CCDC191: variants seen among roughly 807,000 people sequenced by gnomAD.
CCDC191 encodes the protein coiled-coil domain-containing protein 191.
In CCDC191, 99 loss-of-function variants were observed where a neutral mutation model predicts 114.0. The observed-to-expected ratio is 0.87, with a 90% CI of 0.74 to 1.03. The LOEUF (loss-of-function observed/expected upper bound fraction) is 1.03, where lower values mean the gene tolerates loss of function less well. CCDC191 is among the 50% of genes least tolerant of loss of function. The probability of loss-of-function intolerance (pLI) is 0.00; values close to 1 mark genes in which losing one functional copy is unlikely to be tolerated. For synonymous variants in CCDC191, 351 were observed against 376.0 expected, an observed-to-expected ratio of 0.93 and a Z score of 0.77; for missense variants, 973 against 1,087.0, an observed-to-expected ratio of 0.90 and a Z score of 1.47.
chr3:114,018,881 T>C lies in CCDC191; in HGVS notation c.973-13A>G. ...ACCGTTTTTGACACTGCAGCGGAAA[T>C]ATTAGGAAAATCACCACCCATCAGC... On this transcript the variant is annotated splice_polypyrimidine_tract_variant and intron_variant, in intron 7 of 16. Coordinates refer to ENST00000295878, the MANE Select transcript of CCDC191 (RefSeq NM_020817.2). The C allele has an allele frequency of 6.2e-7, 1 of 1,612,130 alleles. No homozygotes were observed. Among genetic ancestry groups the C allele is most frequent in the Non-Finnish European group, 8.5e-7 (1 of 1,178,910 alleles).
At chr3:114,020,381 G>T (rs865853698) in intron 7 of CCDC191, among the ~76,000 whole-genome samples, 1 of 152,104 alleles carries the variant, frequency 6.6e-6, no homozygotes, top group Non-Finnish European at 1.5e-5. Context: ...TTCTTGTTTA[G>T]ACAAACTAAA....
chr3:114,048,582 C>T lies in CCDC191; in HGVS notation c.130-1850G>A, dbSNP rs567723647. On this transcript the variant is annotated intron_variant, in intron 2 of 16. Coordinates refer to ENST00000295878, the MANE Select transcript of CCDC191 (RefSeq NM_020817.2). ...TTGCTTATCCTCTGCCTGAACTGCTCTCCTACAGATACGCATAGGCATCCT... is the reference window on the plus strand; with the variant it reads ...TTGCTTATCCTCTGCCTGAACTGCTTTCCTACAGATACGCATAGGCATCCT... 2.0e-5 allele frequency among the ~76,000 whole-genome samples: 3 copies of T among 152,272 alleles called. No individual in the cohort carries two copies. The East Asian group carries it at 5.8e-4, about 29-fold the overall frequency.
At chr3:113,996,638 T>C (rs1271188370) in intron 13 of CCDC191, among the ~76,000 whole-genome samples, 2 of 151,984 alleles carry the variant, frequency 1.3e-5, no homozygotes, top group Admixed American at 6.6e-5. Flanking sequence ...CCATCAATGA[T>C]AGATTGGATA....
intron 8 of CCDC191, among the ~76,000 whole-genome samples, chr3:114,014,211 TA>T (rs1355281838): frequency 1.3e-5 from 2 of 152,170 alleles, no homozygotes; most frequent in African/African-American, 4.8e-5. Flanking sequence ...TAGGAATGAA[TA>T]AGCTCATGCA....
intron 11 of CCDC191, chr3:114,003,266 G>T: frequency 2.0e-6 from 2 of 985,422 alleles, no homozygotes; most frequent in Non-Finnish European, 2.4e-6. Flanking sequence ...GATGGGAGGA[G>T]TATCAAGTTC....
intron 7 of CCDC191, among the ~76,000 whole-genome samples, chr3:114,025,677 T>G (rs752877115): frequency 3.3e-5 from 5 of 152,170 alleles, no homozygotes; most frequent in African/African-American, 4.8e-5. Context: ...ACCTGAACAC[T>G]CATGAGTTCT....
rs564963701 is a variant in CCDC191 at position 114,011,530 on chromosome 3, T to C, written c.1164-509A>G. On this transcript the variant is annotated intron_variant, in intron 8 of 16. Coordinates refer to ENST00000295878, the MANE Select transcript of CCDC191 (RefSeq NM_020817.2). ...ATCAAAGTAACACTGAGGGTTGATCTTGTGAAAGAAGAACTGGTCAGGGAA... is the reference window on the plus strand; with the variant it reads ...ATCAAAGTAACACTGAGGGTTGATCCTGTGAAAGAAGAACTGGTCAGGGAA... Among the ~76,000 whole-genome samples the C allele has an allele frequency of 7.2e-5, 11 of 152,338 alleles. No individual in the cohort carries two copies. In the South Asian group the frequency reaches 2.3e-3, roughly 32 times the overall value.
Position 113,978,802 on chromosome 3 carries a change from C to G in CCDC191, c.2460+56G>C. 3.2e-6 allele frequency: 5 copies of G among 1,557,020 alleles called. No homozygotes were observed. In the South Asian group the frequency reaches 5.9e-5, roughly 18 times the overall value. Reference sequence around the variant, plus strand: ...GACATTCTGGATTTCATTTAGTTTTCTTAAATAGAATTGAGCAATGAGATG... The same window carrying G: ...GACATTCTGGATTTCATTTAGTTTTGTTAAATAGAATTGAGCAATGAGATG... On this transcript the variant is annotated intron_variant, in intron 15 of 16. Coordinates refer to ENST00000295878, the MANE Select transcript of CCDC191 (RefSeq NM_020817.2).
chr3:114,052,994 G>A (rs1394436076), intron 2 of CCDC191, among the ~76,000 whole-genome samples: 2 of 152,162 alleles, frequency 1.3e-5, no homozygotes, highest in Non-Finnish European at 2.9e-5. Flanking sequence ...AAATTAAATG[G>A]TACTCAGACT....
At chr3:114,047,618 C>T (rs552116053) in intron 2 of CCDC191, among the ~76,000 whole-genome samples, 1 of 152,126 alleles carries the variant, frequency 6.6e-6, no homozygotes, top group Admixed American at 6.5e-5. Context: ...GAGCTGTGTT[C>T]ATGCCACTGC....
chr3:113,997,507 A>G (rs1334275764), intron 13 of CCDC191, among the ~76,000 whole-genome samples: 3 of 152,184 alleles, frequency 2.0e-5, no homozygotes, highest in Admixed American at 6.5e-5. Context: ...GAACCCTCAG[A>G]GAAATGGCTT....
intron 9 of CCDC191, among the ~76,000 whole-genome samples, chr3:114,006,613 TATATAAATATATATATTTTATATATAA>T (rs1559903284): frequency 2.2e-5 from 2 of 91,186 alleles, no homozygotes; most frequent in Non-Finnish European, 5.1e-5. Context: ...TATATATATA[TATATAAATATATATATTTTATATATAA>T]AAAACATGAA....
chr3:114,046,035 G>C (rs1447242643), intron 3 of CCDC191, among the ~76,000 whole-genome samples: 1 of 152,158 alleles, frequency 6.6e-6, no homozygotes, highest in Non-Finnish European at 1.5e-5. Flanking sequence ...TCATCCAAAT[G>C]GAAGTTGGCT....
intron 13 of CCDC191, among the ~76,000 whole-genome samples, chr3:113,993,390 G>A (rs748219039): frequency 1.3e-5 from 2 of 152,138 alleles, no homozygotes; most frequent in Non-Finnish European, 2.9e-5. Flanking sequence ...ACTTGCAAAG[G>A]AATAGACATA....
At chr3:113,975,563 A>G (rs1284209171) in intron 16 of CCDC191, among the ~76,000 whole-genome samples, 3 of 152,234 alleles carry the variant, frequency 2.0e-5, no homozygotes, top group African/African-American at 7.2e-5. Context: ...GTAATGAGCA[A>G]GATGTGGTGC....
At chr3:114,000,955 CCTTGATCT>C (rs1317640270) in intron 13 of CCDC191, among the ~76,000 whole-genome samples, 1 of 152,068 alleles carries the variant, frequency 6.6e-6, no homozygotes, top group African/African-American at 2.4e-5. Context: ...ATGTCTGGCC[CCTTGATCT>C]CTTTTCGTCT....
At chr3:114,004,889 A>AT (rs2075922471) in intron 10 of CCDC191, 143 bp from the exon 11 acceptor site, 1 of 845,528 alleles carries the variant, frequency 1.2e-6, no homozygotes, top group Non-Finnish European at 1.7e-6. Flanking sequence ...CACTCCATAA[A>AT]TATGTGTAAT....
chr3:114,029,059 G>A (rs1312109383), intron 7 of CCDC191, among the ~76,000 whole-genome samples: 1 of 151,964 alleles, frequency 6.6e-6, no homozygotes, highest in African/African-American at 2.4e-5. Flanking sequence ...CACACTTAGT[G>A]CCTAGATCTT....
Position 113,970,630 on chromosome 3 carries a change from C to T in CCDC191, c.2607-5271G>A, listed in dbSNP as rs536111392. 1.6e-4 allele frequency among the ~76,000 whole-genome samples: 25 copies of T among 152,228 alleles called. No homozygotes were observed. In the East Asian group the frequency reaches 3.7e-3, roughly 22 times the overall value. On this transcript the variant is annotated intron_variant, in intron 16 of 16. Coordinates refer to ENST00000295878, the MANE Select transcript of CCDC191 (RefSeq NM_020817.2). The stretch of plus-strand genomic sequence containing the variant: ...ATGTGCACAACATGCAGGTTTGTTA[C>T]ATATGTATACATGTGTCATGTTGGT...
Sources: allele counts gnomAD v4.1 joint callset (sites outside exome capture counted in the v4.1 genomes callset), GRCh38; gene constraint gnomAD v4.1.1; transcripts MANE v1.5; gene names NCBI Gene and HGNC (gene_info 2026-07-23, HGNC 2026-07-21).